ANLN: variants seen among roughly 807,000 people sequenced by gnomAD.
The protein encoded by ANLN is anillin, actin binding protein.
A neutral mutation model predicts 135.1 loss-of-function variants in ANLN; 59 were observed. The observed-to-expected ratio is 0.44, with a 90% confidence interval of 0.35 to 0.54. The LOEUF is 0.54. ANLN is among the 20% of genes least tolerant of loss of function. The pLI, the probability that ANLN is intolerant of heterozygous loss-of-function variation, is 0.00. For missense variants in ANLN, 1,182 were observed against 1,340.0 expected, an observed-to-expected ratio of 0.88 and a Z score of 1.84; for synonymous variants, 406 against 456.4, an observed-to-expected ratio of 0.89 and a Z score of 1.41.
At chr7:36,407,082 T>G (rs898608652) in intron 4 of ANLN, among the ~76,000 whole-genome samples, 1 of 152,184 alleles carries the variant, frequency 6.6e-6, no homozygotes, top group Non-Finnish European at 1.5e-5. Flanking sequence ...AAAAACAATC[T>G]TAAATAAAAA....
chr7:36,444,843 A>G (rs1788923767), intron 22 of ANLN, among the ~76,000 whole-genome samples: 1 of 152,096 alleles, frequency 6.6e-6, no homozygotes, highest in Non-Finnish European at 1.5e-5. Flanking sequence ...AAAATATTCT[A>G]ACATCTTTCA....
intron 21 of ANLN, among the ~76,000 whole-genome samples, chr7:36,440,336 A>C (rs540143185): frequency 6.6e-6 from 1 of 152,304 alleles, no homozygotes; most frequent in South Asian, 2.1e-4. Context: ...CATTGAAAGG[A>C]GGGAGTGGTT....
At chr7:36,392,162 G>T (rs1223469505) in intron 1 of ANLN, among the ~76,000 whole-genome samples, 2 of 152,090 alleles carry the variant, frequency 1.3e-5, no homozygotes, top group Admixed American at 1.3e-4. Context: ...CTTCACAGAA[G>T]CATATTTTAT....
Position 36,451,514 on chromosome 7 carries a change from A to AT in ANLN, c.3252-955dup, listed in dbSNP as rs556240360. ...AAAATAACCTCCACAGTGACTAGAG[A>AT]TTTTTTTTATTTTTATTAGCCTCTT... On this transcript the variant is annotated intron_variant, in intron 23 of 23. Coordinates refer to ENST00000265748, the MANE Select transcript of ANLN (RefSeq NM_018685.5). 3.2e-4 allele frequency among the ~76,000 whole-genome samples: 49 copies of AT among 152,166 alleles called. 1 individual carries two copies. The East Asian group carries it at 6.9e-3, about 22-fold the overall frequency.
chr7:36,446,287 A>G (rs951556114), intron 22 of ANLN, among the ~76,000 whole-genome samples: 2 of 152,158 alleles, frequency 1.3e-5, no homozygotes, highest in African/African-American at 2.4e-5. Context: ...TATACTTCAC[A>G]TTTAATTTCC....
chr7:36,392,513 G>GTTTTTTTTTTTTTTTTTT (rs55732261), intron 1 of ANLN, among the ~76,000 whole-genome samples: 1 of 140,462 alleles, frequency 7.1e-6, no homozygotes, highest in Non-Finnish European at 1.5e-5. Flanking sequence ...TATTGCAGTG[G>GTTTTTTTTTTTTTTTTTT]TTTTTTTTTT....
chr7:36,435,812 G>A (rs954732083), intron 20 of ANLN, among the ~76,000 whole-genome samples: 10 of 135,212 alleles, frequency 7.4e-5, no homozygotes, highest in Non-Finnish European at 1.1e-4. Context: ...GGCGGAGCTT[G>A]CAGTGAGCCG....
chr7:36,422,562 CT>C, intron 13 of ANLN, 70 bp from the exon 14 acceptor site: 1 of 1,381,816 alleles, frequency 7.2e-7, no homozygotes, highest in Non-Finnish European at 9.8e-7. Flanking sequence ...TATCAGTACA[CT>C]TTTTTGAATT....
At chr7:36,407,328 A>T (rs1787230698) in intron 4 of ANLN, among the ~76,000 whole-genome samples, 1 of 152,206 alleles carries the variant, frequency 6.6e-6, no homozygotes, top group South Asian at 2.1e-4. Flanking sequence ...ATAAGTAGTT[A>T]ATCTATTAAC....
chr7:36,399,037 A>G, intron 2 of ANLN, 42 bp from the exon 3 acceptor site: 1 of 1,521,726 alleles, frequency 6.6e-7, no homozygotes, highest in South Asian at 1.3e-5. Flanking sequence ...TCATGTGAGA[A>G]ATTACAAATT....
Position 36,389,951 on chromosome 7 carries a change from C to G in ANLN, c.-76C>G, listed in dbSNP as rs1583580699. 2 of 1,613,748 alleles carry G rather than the reference C, an allele frequency of 1.2e-6. No individual in the cohort carries two copies. The highest frequency in any genetic ancestry group is 2.2e-5 in the East Asian group (1 of 44,872). On this transcript the variant is annotated 5_prime_UTR_variant, in exon 1 of 24. Transcript: ENST00000265748. ...CTCCTGGTTTTTTCCAGGAGACACA[C>G]TGAGCTGAGACTCACTTTTCTCTTC...
intron 7 of ANLN, among the ~76,000 whole-genome samples, chr7:36,413,119 T>A (rs1236222251): frequency 1.1e-4 from 10 of 92,918 alleles, no homozygotes; most frequent in Non-Finnish European, 2.5e-4. Flanking sequence ...CAAACTTGTA[T>A]TTGAAGGAAG....
At position 36,449,780 on chromosome 7, in the gene ANLN, G is replaced by A; in HGVS notation, c.3194G>A (p.Arg1065Lys). The change falls in exon 23 of 24, where the codon AGA becomes AAA. Residue 1065 changes from arginine (R) to lysine (K), a missense_variant. This residue lies in a region of ANLN where 78 missense variants were observed against 72.7 expected (regional missense o/e 1.07). Transcript: ENST00000265748. ...TFELITVRPQ[R>K]EDDRETLVSQ... is the part of the protein sequence containing the mutation. ...GAATTAATTACTGTCCGACCACAAA[G>A]AGAAGATGACCGAGAGACTCTTGTC... The A allele has an allele frequency of 6.2e-7, 1 of 1,614,090 alleles. No individual in the cohort carries two copies. The highest frequency in any genetic ancestry group is 1.6e-4 in the Middle Eastern group (1 of 6,062).
intron 1 of ANLN, 155 bp downstream of exon 1, chr7:36,390,199 C>A (rs755366604): frequency 6.2e-6 from 8 of 1,282,642 alleles, no homozygotes; most frequent in Non-Finnish European, 7.6e-6. Context: ...GCGGCTGCGG[C>A]CTGCTGTGGT....
Position 36,420,588 on chromosome 7 carries a change from C to A in ANLN, c.2016-9C>A. On this transcript the variant is annotated splice_polypyrimidine_tract_variant and intron_variant, in intron 11 of 23. Transcript: ENST00000265748. ...GGATTTCTAATAGAGTGTAACTTAC[C>A]TCTTGAAGCATTGATGCATATAGAT... is the stretch of plus-strand genomic sequence containing the variant. 1.2e-6 allele frequency: 2 copies of A among 1,606,964 alleles called. No homozygotes were observed. Among genetic ancestry groups the A allele is most frequent in the South Asian group, 1.1e-5 (1 of 90,856 alleles).
intron 4 of ANLN, among the ~76,000 whole-genome samples, chr7:36,407,222 C>T (rs1787226643): frequency 6.6e-6 from 1 of 152,036 alleles, no homozygotes; most frequent in South Asian, 2.1e-4. Context: ...CTTAATATTG[C>T]AGGGCTTTAT....
At chr7:36,431,597 G>GTGTGTGTC (rs1306528982) in intron 20 of ANLN, among the ~76,000 whole-genome samples, 2 of 27,440 alleles carry the variant, frequency 7.3e-5, no homozygotes, top group African/African-American at 8.4e-5. Flanking sequence ...GTGTGTGTGT[G>GTGTGTGTC]TATATATATA....
intron 20 of ANLN, among the ~76,000 whole-genome samples, chr7:36,427,507 A>G (rs960982493): frequency 6.6e-6 from 1 of 151,960 alleles, no homozygotes; most frequent in East Asian, 1.9e-4. Flanking sequence ...ACGTGATGCC[A>G]CGCCTGGCTA....
intron 15 of ANLN, 152 bp from the exon 16 acceptor site, chr7:36,424,393 G>A: frequency 1.9e-6 from 1 of 533,342 alleles, no homozygotes. Flanking sequence ...TTGCATTATA[G>A]GGAAAAAATA....
Sources: allele counts gnomAD v4.1 joint callset (sites outside exome capture counted in the v4.1 genomes callset), GRCh38; gene constraint gnomAD v4.1.1; regional missense constraint gnomAD v4.1.1; transcripts MANE v1.5; gene names NCBI Gene and HGNC (gene_info 2026-07-23, HGNC 2026-07-21).